The following ARHGEF17 variants were observed in gnomAD, a reference collection of about 807,000 sequenced individuals.
ARHGEF17 encodes the protein 164 kDa Rho-specific guanine-nucleotide exchange factor.
In ARHGEF17, 80 loss-of-function variants were observed where a neutral mutation model predicts 174.0. That is an observed-to-expected ratio of 0.46 (90% CI 0.38 to 0.55). ARHGEF17 has a LOEUF of 0.55. ARHGEF17 is among the 20% of genes least tolerant of loss of function. The pLI is 0.00. For synonymous variants in ARHGEF17, 1,311 were observed against 1,189.1 expected (o/e 1.10, Z -2.11); for missense variants, 2,886 against 2,839.7 (o/e 1.02, Z -0.37).
At position 73,309,258 on chromosome 11, in the gene ARHGEF17, C is replaced by T. The variant is rs1410869276; in HGVS notation, c.620C>T (p.Ala207Val). The T allele has an allele frequency of 4.4e-6, 7 of 1,608,314 alleles. No homozygotes were observed. Among genetic ancestry groups the T allele is most frequent in the Non-Finnish European group, 5.9e-6 (7 of 1,177,630 alleles). ...LRRPQQQQER[A>V]QRPADGLHSW... Reference sequence around the variant, plus strand: ...CGGCCGCAGCAGCAACAGGAGCGGGCGCAGCGTCCAGCGGATGGTTTACAT... The same window carrying T: ...CGGCCGCAGCAGCAACAGGAGCGGGTGCAGCGTCCAGCGGATGGTTTACAT... The change falls in exon 1 of 21, where the codon GCG (alanine) becomes GTG (valine). Residue 207 changes from alanine to valine, a missense_variant. Coordinates refer to ENST00000263674, the MANE Select transcript of ARHGEF17 (RefSeq NM_014786.4).
chr11:73,311,548 G>C lies in ARHGEF17; in HGVS notation c.2910G>C (p.Val970=). 1.2e-6 allele frequency: 2 copies of C among 1,613,560 alleles called. No individual in the cohort carries two copies. Among genetic ancestry groups the C allele is most frequent in the Non-Finnish European group, 1.7e-6 (2 of 1,180,010 alleles). The change falls in exon 1 of 21, where the codon GTG becomes GTC. Residue 970 remains valine, a synonymous_variant. Transcript: ENST00000263674. ...ASVPATFMPI[V]VPEPPTSVGP... ...TGCCCGCCACATTTATGCCTATTGT[G>C]GTGCCTGAGCCACCAACTTCTGTTG...
At chr11:73,324,195 A>G (rs1469376973) in intron 1 of ARHGEF17, among the ~76,000 whole-genome samples, 1 of 152,256 alleles carries the variant, frequency 6.6e-6, no homozygotes, top group Non-Finnish European at 1.5e-5. Context: ...TTCGGAGGTA[A>G]CAGACCTCTA....
At chr11:73,328,228 G>C (rs1865135610) in intron 1 of ARHGEF17, among the ~76,000 whole-genome samples, 1 of 152,174 alleles carries the variant, frequency 6.6e-6, no homozygotes, top group African/African-American at 2.4e-5. Context: ...CCTGAGGGAG[G>C]CTTGGAGTTC....
chr11:73,367,490 TTCC>T, intron 20 of ARHGEF17, 91 bp from the exon 21 acceptor site: 13 of 1,111,526 alleles, frequency 1.2e-5, no homozygotes, highest in Non-Finnish European at 1.7e-5. Context: ...CACATCTTCC[TTCC>T]TATCTTCTGG....
chr11:73,345,566 T>C (rs1346542255), intron 1 of ARHGEF17, among the ~76,000 whole-genome samples: 1 of 152,112 alleles, frequency 6.6e-6, no homozygotes, highest in East Asian at 1.9e-4. Context: ...CACTAAAACA[T>C]GAGCCCTGGG....
chr11:73,342,481 C>T (rs1383934349), intron 1 of ARHGEF17, among the ~76,000 whole-genome samples: 1 of 152,132 alleles, frequency 6.6e-6, no homozygotes. Context: ...TGTCTGGGCG[C>T]AACGATGGAT....
In ARHGEF17 at chr11:73,310,256, A is replaced by G; in HGVS notation, c.1618A>G (p.Thr540Ala). The G allele has an allele frequency of 6.2e-7, 1 of 1,613,872 alleles. No individual in the cohort carries two copies. Among genetic ancestry groups the G allele is most frequent in the Non-Finnish European group, 8.5e-7 (1 of 1,179,994 alleles). The stretch of plus-strand genomic sequence containing the variant: ...CCCCACACTCAAGGACTTGACAGCC[A>G]CTCTGCGGAGAGCAAAGTCATTCAC... ...TRPTLKDLTA[T>A]LRRAKSFTCS... The change falls in exon 1 of 21, where the codon ACT (threonine) becomes GCT (alanine). Residue 540 changes from threonine (T) to alanine (A), a missense_variant. By Grantham distance (58) the Thr-to-Ala change is moderately conservative. Around this residue, in one of 4 missense-constraint regions of ARHGEF17, gnomAD observed 1,728 missense variants for 1,461.2 expected, o/e 1.18. Transcript: ENST00000263674.
rs751450770 is a variant in ARHGEF17 at position 73,308,613 on chromosome 11, GC to G, written c.-19del. On this transcript the variant is annotated 5_prime_UTR_variant, in exon 1 of 21. Coordinates refer to ENST00000263674, the MANE Select transcript of ARHGEF17 (RefSeq NM_014786.4). ...GGTTGGCCGCGGCTGCCCGAGGCCAGCCCCCCCGGAGTGAGTTACGCCACTA... is the reference window on the plus strand; with the variant it reads ...GGTTGGCCGCGGCTGCCCGAGGCCAGCCCCCCGGAGTGAGTTACGCCACTA... The G allele has an allele frequency of 2.7e-5, 38 of 1,424,954 alleles. No homozygotes were observed. The highest frequency in any genetic ancestry group is 1.2e-4 in the South Asian group (8 of 69,406). 88.3% of individuals were successfully genotyped at this position (1,424,954 alleles called of 1,614,324 possible).
At chr11:73,320,669 T>C (rs979202707) in intron 1 of ARHGEF17, among the ~76,000 whole-genome samples, 15 of 150,924 alleles carry the variant, frequency 9.9e-5, no homozygotes, top group African/African-American at 3.6e-4. Context: ...TGATTTTTTT[T>C]TTTTTTTTGA....
chr11:73,345,735 G>T (rs570671873), intron 1 of ARHGEF17, among the ~76,000 whole-genome samples: 2 of 152,326 alleles, frequency 1.3e-5, no homozygotes, highest in East Asian at 3.9e-4. Flanking sequence ...CCGAGATACG[G>T]TCCACAGATG....
intron 1 of ARHGEF17, among the ~76,000 whole-genome samples, chr11:73,314,222 C>T (rs1157388375): frequency 6.6e-6 from 1 of 152,220 alleles, no homozygotes; most frequent in Non-Finnish European, 1.5e-5. Flanking sequence ...AGTCATGCTC[C>T]CTGGGCCGTG....
At position 73,309,207 on chromosome 11, in the gene ARHGEF17, G is replaced by C. The variant is rs1355156735; in HGVS notation, c.569G>C (p.Gly190Ala). The C allele has an allele frequency of 3.1e-6, 5 of 1,596,962 alleles. No homozygotes were observed. The highest frequency in any genetic ancestry group is 1.4e-5 in the African/African-American group (1 of 73,638). Residue 190 changes from glycine to alanine, a missense_variant, in exon 1 of 21, where the codon GGG becomes GCG. By Grantham distance (60) the Gly-to-Ala change is moderately conservative. Transcript: ENST00000263674. Reference sequence around the variant, plus strand: ...CTGCGTTCGGCGCGGCCCCTGACCGGGCCGGAGACCGAAGGGAGGCTGCGC... The same window carrying C: ...CTGCGTTCGGCGCGGCCCCTGACCGCGCCGGAGACCGAAGGGAGGCTGCGC... ...AGLRSARPLT[G>A]PETEGRLRRP... is the part of the protein sequence containing the mutation.
At position 73,365,240 on chromosome 11, in the gene ARHGEF17, G is replaced by A. The variant is rs1258342472; in HGVS notation, c.5551-150G>A. 1 of 777,102 alleles carries A rather than the reference G, an allele frequency of 1.3e-6. No homozygotes were observed. The highest frequency in any genetic ancestry group is 1.7e-5 in the African/African-American group (1 of 57,502). The allele number at this position is 777,102 out of a possible 1,614,324, so 48.1% of individuals were successfully genotyped here. ...ATTCCTGAGAACTAAGTTGGGAGGTGCTGGTGAAACCAAGCTTCGAAAGGT... is the reference window on the plus strand; with the variant it reads ...ATTCCTGAGAACTAAGTTGGGAGGTACTGGTGAAACCAAGCTTCGAAAGGT... On this transcript the variant is annotated intron_variant, in intron 18 of 20. Transcript: ENST00000263674. The surrounding 1 kb of genome is among the most constrained non-coding windows in gnomAD (Gnocchi z 4.9).
chr11:73,345,578 A>T (rs1381043682), intron 1 of ARHGEF17, among the ~76,000 whole-genome samples: 1 of 152,148 alleles, frequency 6.6e-6, no homozygotes, highest in Non-Finnish European at 1.5e-5. Flanking sequence ...AGCCCTGGGC[A>T]TAGCAGTGAC....
rs1377162872 is a variant in ARHGEF17 at position 73,362,571 on chromosome 11, C to T, written c.4833C>T (p.Ser1611=). 3 of 1,609,898 alleles carry T rather than the reference C, an allele frequency of 1.9e-6. No homozygotes were observed. The highest frequency in any genetic ancestry group is 1.7e-5 in the Admixed American group (1 of 59,980). The change falls in exon 14 of 21, where the codon TCC becomes TCT. Residue 1611 remains serine, a synonymous_variant. Transcript: ENST00000263674. Reference sequence around the variant, plus strand: ...GGCCGCAGCCCTGCCTTCACATCTCCATTGCAGGCTCGGGCTTGGAGATGA... The same window carrying T: ...GGCCGCAGCCCTGCCTTCACATCTCTATTGCAGGCTCGGGCTTGGAGATGA... ...EPGPQPCLHI[S]IAGSGLEMTP...
chr11:73,338,390 C>T (rs1865318728), intron 1 of ARHGEF17, among the ~76,000 whole-genome samples: 2 of 152,140 alleles, frequency 1.3e-5, no homozygotes. Flanking sequence ...CTTTCATCTC[C>T]TTGATGAACT....
Position 73,311,494 on chromosome 11 carries a change from C to G in ARHGEF17, c.2856C>G (p.Pro952=). 1 of 1,613,192 alleles carries G rather than the reference C, an allele frequency of 6.2e-7. No individual in the cohort carries two copies. Among genetic ancestry groups the G allele is most frequent in the Non-Finnish European group, 8.5e-7 (1 of 1,180,042 alleles). Residue 952 remains proline, a synonymous_variant, in exon 1 of 21, where the codon CCC becomes CCG. Transcript: ENST00000263674. ...DQTGSLSRAR[P]SSRHVRHASV... The stretch of plus-strand genomic sequence containing the variant: ...CTGGCAGCCTGTCTCGGGCCCGGCC[C>G]TCCTCCAGACACGTTCGCCATGCCA...
At chr11:73,339,863 G>A (rs915574031) in intron 1 of ARHGEF17, among the ~76,000 whole-genome samples, 1 of 152,112 alleles carries the variant, frequency 6.6e-6, no homozygotes, top group Admixed American at 6.5e-5. Context: ...TGGGAGAAGA[G>A]GTGTTTATGG....
In ARHGEF17 at chr11:73,310,087, A is replaced by C; in HGVS notation, c.1449A>C (p.Ser483=). The C allele has an allele frequency of 6.2e-7, 1 of 1,614,140 alleles. No homozygotes were observed. The highest frequency in any genetic ancestry group is 1.1e-5 in the South Asian group (1 of 91,088). Residue 483 remains serine, a synonymous_variant, in exon 1 of 21, where the codon TCA becomes TCC. Transcript: ENST00000263674. ...TCAGTTTCCTGCGCTCAGACCTTTC[A>C]GAGCTGAGGGTCCGAAAACCTGGTG... ...TLLSFLRSDL[S]ELRVRKPGGS... is the part of the protein sequence containing the mutation.
Sources: allele counts gnomAD v4.1 joint callset (sites outside exome capture counted in the v4.1 genomes callset), GRCh38; gene constraint gnomAD v4.1.1; regional missense constraint gnomAD v4.1.1; non-coding constraint Gnocchi (gnomAD v3.1); transcripts MANE v1.5; gene names NCBI Gene and HGNC (gene_info 2026-07-23, HGNC 2026-07-21).